The following SAMD12 variants were observed in gnomAD, a reference collection of about 807,000 sequenced individuals.
The protein encoded by SAMD12 is sterile alpha motif domain containing 12.
Under a neutral mutation model 15.0 loss-of-function variants are expected in SAMD12, and 9 were observed. That is an observed-to-expected ratio of 0.60 (90% CI 0.36 to 1.05). The LOEUF (loss-of-function observed/expected upper bound fraction) is 1.05, where lower values mean the gene tolerates loss of function less well. Among genes scored for constraint, SAMD12 ranks in the 50% least tolerant of loss-of-function variants. The pLI is 0.01. For missense variants in SAMD12, 230 were observed against 234.2 expected, an observed-to-expected ratio of 0.98 and a Z score of 0.12; for synonymous variants, 86 against 90.1, an observed-to-expected ratio of 0.96 and a Z score of 0.25.
chr8:118,321,172 T>TATATATATATATATATATAA (rs1816254660), intron 4 of SAMD12, among the ~76,000 whole-genome samples: 1 of 98,122 alleles, frequency 1.0e-5, no homozygotes, highest in African/African-American at 3.9e-5. Flanking sequence ...TATATATATA[T>TATATATATATATATATATAA]ATATATATAT....
intron 2 of SAMD12, among the ~76,000 whole-genome samples, chr8:118,558,789 C>A (rs1826621817): frequency 6.6e-6 from 1 of 151,916 alleles, no homozygotes; most frequent in Non-Finnish European, 1.5e-5. Context: ...GATCTCCTGA[C>A]CTCGCGATCC....
intron 2 of SAMD12, among the ~76,000 whole-genome samples, chr8:118,541,834 C>T (rs1197651917): frequency 1.3e-5 from 2 of 152,134 alleles, no homozygotes; most frequent in Admixed American, 6.6e-5. Flanking sequence ...CTCATGTTGA[C>T]TTTGAGTATT....
At chr8:118,542,310 T>C (rs1342984038) in intron 2 of SAMD12, among the ~76,000 whole-genome samples, 2 of 152,212 alleles carry the variant, frequency 1.3e-5, no homozygotes, top group Non-Finnish European at 2.9e-5. Flanking sequence ...AAAAAATAGA[T>C]ACATCTATTT....
chr8:118,433,798 T>C (rs576118069), intron 3 of SAMD12, among the ~76,000 whole-genome samples: 4 of 152,302 alleles, frequency 2.6e-5, no homozygotes, highest in Non-Finnish European at 5.9e-5. Flanking sequence ...TAGATCACAA[T>C]ATCCAGAGCA....
chr8:118,621,640 G>T, intron 1 of SAMD12, 164 bp downstream of exon 1: 1 of 731,102 alleles, frequency 1.4e-6, no homozygotes, highest in South Asian at 1.6e-5. Flanking sequence ...AGCGCCTACT[G>T]GCCTTGGCGG....
At chr8:118,561,399 A>T (rs35813448) in intron 2 of SAMD12, among the ~76,000 whole-genome samples, 1 of 152,220 alleles carries the variant, frequency 6.6e-6, no homozygotes. Flanking sequence ...CATTTTCTTT[A>T]TATTTGTCCA....
At chr8:118,463,564 G>C (rs575847895) in intron 2 of SAMD12, among the ~76,000 whole-genome samples, 21 of 152,236 alleles carry the variant, frequency 1.4e-4, no homozygotes, top group Admixed American at 8.5e-4. Flanking sequence ...TCCCAGCCTT[G>C]CAGGAACTGG....
chr8:118,498,098 C>G (rs1405814415), intron 2 of SAMD12, among the ~76,000 whole-genome samples: 1 of 152,160 alleles, frequency 6.6e-6, no homozygotes, highest in Non-Finnish European at 1.5e-5. Context: ...TGTGTTATAT[C>G]AGGATATGCT....
chr8:118,396,182 C>T (rs1424853240), intron 3 of SAMD12, among the ~76,000 whole-genome samples: 3 of 152,122 alleles, frequency 2.0e-5, no homozygotes, highest in African/African-American at 7.2e-5. Flanking sequence ...GGTGTCTCCA[C>T]ATGCAAGCTC....
At chr8:118,226,301 G>A (rs924211088) in intron 4 of SAMD12, among the ~76,000 whole-genome samples, 2 of 152,062 alleles carry the variant, frequency 1.3e-5, no homozygotes, top group Non-Finnish European at 2.9e-5. Flanking sequence ...CTATTGCCTG[G>A]GACAAGATAC....
chr8:118,348,994 T>A (rs1007369098), intron 4 of SAMD12, among the ~76,000 whole-genome samples: 3 of 152,204 alleles, frequency 2.0e-5, no homozygotes, highest in African/African-American at 7.2e-5. Context: ...AGAACAGAAG[T>A]GATCTGCTTT....
At chr8:118,143,502 G>A in the SAMD12 span, among the ~76,000 whole-genome samples, 15 of 152,126 alleles carry the variant, frequency 9.9e-5, no homozygotes, top group African/African-American at 3.4e-4. Context: ...TGTACTTTGC[G>A]CCACATCACA....
chr8:118,418,674 G>A (rs1395449900), intron 3 of SAMD12, among the ~76,000 whole-genome samples: 10 of 151,506 alleles, frequency 6.6e-5, no homozygotes, highest in African/African-American at 2.2e-4. Context: ...AGCCGAGATT[G>A]CGCCACTGCA....
intron 1 of SAMD12, among the ~76,000 whole-genome samples, chr8:118,602,887 C>A (rs371618732): frequency 2.0e-5 from 3 of 151,818 alleles, no homozygotes; most frequent in East Asian, 1.9e-4. Context: ...CAAAAACAAA[C>A]AATTAGGAAG....
At chr8:118,527,213 C>G (rs571371265) in intron 2 of SAMD12, among the ~76,000 whole-genome samples, 2 of 152,296 alleles carry the variant, frequency 1.3e-5, no homozygotes, top group African/African-American at 4.8e-5. Context: ...CAGTATCAAC[C>G]CTCCAAACTA....
chr8:118,318,929 G>C (rs898309763), intron 4 of SAMD12, among the ~76,000 whole-genome samples: 1 of 151,888 alleles, frequency 6.6e-6, no homozygotes, highest in Non-Finnish European at 1.5e-5. Context: ...TTGATGCTGG[G>C]GACAGTTTGT....
At chr8:118,197,489 G>A in exon 5 of SAMD12, 1 of 596,000 alleles carries the variant, frequency 1.7e-6, no homozygotes, top group South Asian at 2.1e-5. Context: ...CACTTGGAAT[G>A]AGTTGGCATT....
intron 4 of SAMD12, among the ~76,000 whole-genome samples, chr8:118,256,201 T>G (rs1372808411): frequency 6.6e-6 from 1 of 152,184 alleles, no homozygotes; most frequent in Non-Finnish European, 1.5e-5. Context: ...CAATATTTAT[T>G]ATTTCACAAA....
chr8:118,424,903 C>A (rs895449817), intron 3 of SAMD12, among the ~76,000 whole-genome samples: 19 of 151,824 alleles, frequency 1.3e-4, no homozygotes, highest in African/African-American at 4.6e-4. Flanking sequence ...AGGATGGGAA[C>A]TCTGACTTGA....
Sources: gnomAD v4.1 joint callset for allele counts (sites outside exome capture counted in the v4.1 genomes callset) on GRCh38, gnomAD v4.1.1 for gene constraint, MANE v1.5 for transcripts, NCBI Gene and HGNC (gene_info 2026-07-23, HGNC 2026-07-21) for gene names.